The following NFKB1 variants were observed in gnomAD, a reference collection of about 807,000 sequenced individuals.
NFKB1 encodes nuclear factor NF-kappa-B p105 subunit.
NFKB1 carries 9 observed loss-of-function variants against 105.1 expected under a neutral mutation model. The ratio of observed to expected loss-of-function variants is 0.09; its 90% CI spans 0.05 to 0.15. The LOEUF (loss-of-function observed/expected upper bound fraction) is 0.15, where lower values mean the gene tolerates loss of function less well. NFKB1 is among the 10% of genes least tolerant of loss of function. The pLI, the probability that NFKB1 is intolerant of heterozygous loss-of-function variation, is 1.00. For missense variants in NFKB1, 830 were observed against 1,203.7 expected (o/e 0.69, Z 4.59); for synonymous variants, 440 against 442.2 (o/e 1.00, Z 0.06).
chr4:102,596,017 A>AT (rs993228095), intron 13 of NFKB1, 121 bp from the exon 14 acceptor site: 3 of 552,494 alleles, frequency 5.4e-6, no homozygotes, highest in Admixed American at 3.2e-5. Flanking sequence ...TTAAATTATT[A>AT]TTTTTCTTTT....
At chr4:102,529,753 A>T in intron 2 of NFKB1, 83 bp from the exon 3 acceptor site, 1 of 948,784 alleles carries the variant, frequency 1.1e-6, no homozygotes, top group Non-Finnish European at 1.6e-6. Context: ...TCCTATTATT[A>T]CATTTTAGGT....
intron 5 of NFKB1, among the ~76,000 whole-genome samples, chr4:102,541,153 T>C (rs538005581): frequency 2.0e-5 from 3 of 152,172 alleles, no homozygotes; most frequent in Non-Finnish European, 4.4e-5. Context: ...TAGATGCTAA[T>C]AGGATTCCTA....
rs230541 is a variant in NFKB1, at chr4:102,576,628, G to A, written c.408-248G>A. Among the ~76,000 whole-genome samples the A allele has an allele frequency of 0.58, 88,564 of 151,932 alleles. 25,981 individuals carry two copies. The highest frequency in any genetic ancestry group is 0.71 in the Middle Eastern group (209 of 294). ...TATATTTCGCTGAGGAAATACTAAC[G>A]TGTTTGACTACATTGTGTGCCCCAG... On this transcript the variant is annotated intron_variant, in intron 6 of 23. Coordinates refer to ENST00000226574, the MANE Select transcript of NFKB1 (RefSeq NM_003998.4).
chr4:102,551,187 CA>C (rs1257290473), intron 5 of NFKB1, among the ~76,000 whole-genome samples: 1 of 152,194 alleles, frequency 6.6e-6, no homozygotes, highest in African/African-American at 2.4e-5. Context: ...CTGCCAGGCA[CA>C]GTGCTGGGCT....
intron 6 of NFKB1, among the ~76,000 whole-genome samples, chr4:102,568,933 A>G (rs1378600980): frequency 6.6e-6 from 1 of 152,114 alleles, no homozygotes; most frequent in African/African-American, 2.4e-5. Context: ...GTTGTAGAGC[A>G]GTGAGATTTT....
At chr4:102,523,390 G>C (rs1740692671) in intron 1 of NFKB1, among the ~76,000 whole-genome samples, 1 of 152,086 alleles carries the variant, frequency 6.6e-6, no homozygotes, top group Admixed American at 6.5e-5. Flanking sequence ...TGTTAAAGTT[G>C]TACACTGCTC....
chr4:102,543,757 C>T (rs1474917142), intron 5 of NFKB1, among the ~76,000 whole-genome samples: 1 of 152,100 alleles, frequency 6.6e-6, no homozygotes, highest in African/African-American at 2.4e-5. Flanking sequence ...TTTGTATAGA[C>T]TTGTCTGATT....
At chr4:102,527,564 C>T (rs1309964017) in intron 2 of NFKB1, among the ~76,000 whole-genome samples, 1 of 152,088 alleles carries the variant, frequency 6.6e-6, no homozygotes, top group African/African-American at 2.4e-5. Flanking sequence ...TTTATCACTT[C>T]GGGTGATATT....
chr4:102,520,193 A>G (rs1304000470), intron 1 of NFKB1, among the ~76,000 whole-genome samples: 1 of 152,212 alleles, frequency 6.6e-6, no homozygotes, highest in Admixed American at 6.5e-5. Context: ...TAGCAGTGAC[A>G]CATAGCCAGC....
At chr4:102,567,164 G>A in intron 6 of NFKB1, 29 bp downstream of exon 6, 1 of 1,605,276 alleles carries the variant, frequency 6.2e-7, no homozygotes, top group Non-Finnish European at 8.5e-7. Context: ...TGCTGTGGAA[G>A]GTAGGAACAG....
At chr4:102,610,065 A>G (rs1020508616) in intron 19 of NFKB1, among the ~76,000 whole-genome samples, 7 of 152,264 alleles carry the variant, frequency 4.6e-5, no homozygotes, top group Admixed American at 1.3e-4. Flanking sequence ...GTTTATTTAA[A>G]GATCAGAACC....
chr4:102,574,344 C>A (rs1420975769), intron 6 of NFKB1, among the ~76,000 whole-genome samples: 11 of 152,198 alleles, frequency 7.2e-5, no homozygotes. Context: ...TACAAGATTT[C>A]TTGAACTATT....
chr4:102,576,410 C>T (rs4648024), intron 6 of NFKB1, among the ~76,000 whole-genome samples: 8,939 of 152,130 alleles, frequency 0.059, 300 homozygotes, highest in African/African-American at 0.096. Context: ...AAAATGAACC[C>T]GGTAAGACTT....
rs558318972 is a variant in NFKB1 at position 102,501,736 on chromosome 4, T to C, written c.-60T>C. The C allele has an allele frequency of 1.3e-5, 2 of 152,184 alleles. No homozygotes were observed. Among genetic ancestry groups the C allele is most frequent in the African/African-American group, 4.8e-5 (2 of 41,522 alleles). The allele number at this position is 152,184 out of a possible 1,614,324, so 9.4% of individuals were successfully genotyped here. A position where few individuals can be genotyped will look rare whatever the true frequency, so the allele number is the denominator to read the frequency against. ...CTCCAGCCGGCAGGCCCGCGCCGCT[T>C]AGGAGGGAGAGCCCACCCGCGCCAG... On this transcript the variant is annotated 5_prime_UTR_variant, in exon 1 of 24. Coordinates refer to ENST00000226574, the MANE Select transcript of NFKB1 (RefSeq NM_003998.4).
chr4:102,598,025 C>T (rs1320749409), intron 15 of NFKB1, among the ~76,000 whole-genome samples: 1 of 152,188 alleles, frequency 6.6e-6, no homozygotes, highest in Non-Finnish European at 1.5e-5. Context: ...GTTATCCCAG[C>T]TGCATATTTA....
intron 7 of NFKB1, 61 bp from the exon 8 acceptor site, chr4:102,578,820 C>T (rs756933012): frequency 8.5e-6 from 13 of 1,528,066 alleles, no homozygotes; most frequent in Middle Eastern, 1.7e-4. Context: ...TTTATAAAAG[C>T]ATGGTCTTTT....
intron 1 of NFKB1, among the ~76,000 whole-genome samples, chr4:102,519,922 T>C (rs1322666294): frequency 6.6e-6 from 1 of 152,204 alleles, no homozygotes; most frequent in Non-Finnish European, 1.5e-5. Flanking sequence ...TCAGTAAAGT[T>C]TACTTCTTTC....
At position 102,512,392 on chromosome 4, in the gene NFKB1, A is replaced by T. The variant is rs947044857; in HGVS notation, c.-8+10604A>T. The stretch of plus-strand genomic sequence containing the variant: ...GAGATGTGGTGTCGCTCTGTCACAC[A>T]GGCTGGAATGCAGTGGCGCAATCAT... On this transcript the variant is annotated intron_variant, in intron 1 of 23. Transcript: ENST00000226574. Among the ~76,000 whole-genome samples, 5 of 152,302 alleles carry T rather than the reference A, an allele frequency of 3.3e-5. No individual in the cohort carries two copies. The South Asian group carries it at 1.0e-3, about 32-fold the overall frequency.
Position 102,616,426 on chromosome 4 carries a change from C to T in NFKB1, c.2750-8C>T. Reference sequence around the variant, plus strand: ...TTCCCCCAGTGAATTTGTGCTTTCTCCCCTCAGACGAGCTCCGAGACAGTG... The same window carrying T: ...TTCCCCCAGTGAATTTGTGCTTTCTTCCCTCAGACGAGCTCCGAGACAGTG... On this transcript the variant is annotated splice_polypyrimidine_tract_variant and splice_region_variant and intron_variant, in intron 23 of 23. Transcript: ENST00000226574. The T allele has an allele frequency of 6.2e-7, 1 of 1,613,252 alleles. No homozygotes were observed. The highest frequency in any genetic ancestry group is 8.5e-7 in the Non-Finnish European group (1 of 1,179,728).
Sources: allele counts gnomAD v4.1 joint callset (sites outside exome capture counted in the v4.1 genomes callset), GRCh38; gene constraint gnomAD v4.1.1; transcripts MANE v1.5; gene names NCBI Gene and HGNC (gene_info 2026-07-23, HGNC 2026-07-21).